The following TMEM41B variants were observed in gnomAD, a reference collection of about 807,000 sequenced individuals.
TMEM41B encodes protein stasimon.
Under a neutral mutation model 31.9 loss-of-function variants are expected in TMEM41B, and 18 were observed. The observed-to-expected ratio is 0.56, with a 90% confidence interval of 0.39 to 0.84. The LOEUF (loss-of-function observed/expected upper bound fraction) is 0.84, where lower values mean the gene tolerates loss of function less well. Ranked by LOEUF, TMEM41B falls within the 40% of genes least tolerant of loss-of-function variation. The probability of loss-of-function intolerance (pLI) is 0.00; values close to 1 mark genes in which losing one functional copy is unlikely to be tolerated. For synonymous variants in TMEM41B, 144 were observed against 124.3 expected, an observed-to-expected ratio of 1.16 and a Z score of -1.05; for missense variants, 322 against 348.0, an observed-to-expected ratio of 0.93 and a Z score of 0.59.
chr11:9,311,422 G>C, intron 1 of TMEM41B: 1 of 1,391,606 alleles, frequency 7.2e-7, no homozygotes. Flanking sequence ...GGACTCACAG[G>C]AGGCATTCCA....
intron 2 of TMEM41B, among the ~76,000 whole-genome samples, chr11:9,297,242 G>A (rs760558043): frequency 3.3e-5 from 5 of 152,206 alleles, no homozygotes; most frequent in African/African-American, 4.8e-5. Flanking sequence ...CCGCCACCAC[G>A]CCCAGCTAAT....
chr11:9,285,551 A>C (rs1259452805), intron 6 of TMEM41B, among the ~76,000 whole-genome samples: 2 of 152,190 alleles, frequency 1.3e-5, no homozygotes, highest in African/African-American at 2.4e-5. Context: ...AGAGCAAAAC[A>C]TTCCTACAAA....
intron 3 of TMEM41B, among the ~76,000 whole-genome samples, chr11:9,293,448 G>A (rs1036484093): frequency 4.8e-5 from 6 of 125,618 alleles, no homozygotes; most frequent in African/African-American, 1.6e-4. Context: ...ATGTATATGA[G>A]TGTACTCATA....
At chr11:9,296,219 T>A (rs1853082305) in intron 2 of TMEM41B, among the ~76,000 whole-genome samples, 1 of 152,134 alleles carries the variant, frequency 6.6e-6, no homozygotes, top group African/African-American at 2.4e-5. Flanking sequence ...CTTTTTAATG[T>A]CTCAGCAGAA....
chr11:9,297,283 C>T (rs969113540), intron 2 of TMEM41B, among the ~76,000 whole-genome samples: 10 of 152,164 alleles, frequency 6.6e-5, no homozygotes, highest in African/African-American at 2.2e-4. Flanking sequence ...TGGGGTTTCT[C>T]CACGTTAGCC....
chr11:9,311,471 G>A, intron 1 of TMEM41B: 3 of 1,425,284 alleles, frequency 2.1e-6, no homozygotes, highest in Non-Finnish European at 2.9e-6. Context: ...AGGGACCCGA[G>A]GATTGGCATC....
At position 9,282,395 on chromosome 11, in the gene TMEM41B, T is replaced by A. The variant is rs1852737468; in HGVS notation, c.*1029A>T. The A allele has an allele frequency of 6.6e-6, 1 of 150,954 alleles. No homozygotes were observed. Among genetic ancestry groups the A allele is most frequent in the Admixed American group, 6.6e-5 (1 of 15,094 alleles). The allele number at this position is 150,954 out of a possible 1,614,324, so 9.4% of individuals were successfully genotyped here. Reference sequence around the variant, plus strand: ...ACTCCGTCTCAAAAAAAAAAAAAATTATCAATACCAAATATGATACAGTTA... The same window carrying A: ...ACTCCGTCTCAAAAAAAAAAAAAATAATCAATACCAAATATGATACAGTTA... On this transcript the variant is annotated 3_prime_UTR_variant, in exon 7 of 7. Coordinates refer to ENST00000528080, the MANE Select transcript of TMEM41B (RefSeq NM_015012.4).
intron 4 of TMEM41B, 32 bp downstream of exon 4, chr11:9,288,410 T>C (rs2133612758): frequency 1.4e-6 from 2 of 1,441,324 alleles, no homozygotes; most frequent in East Asian, 4.6e-5. Flanking sequence ...TATTGTTTTT[T>C]CAGTCTCCCA....
chr11:9,299,282 C>CAA (rs1180036082), intron 2 of TMEM41B, among the ~76,000 whole-genome samples: 15,853 of 41,704 alleles, frequency 0.38, 4,359 homozygotes, highest in East Asian at 0.5. Flanking sequence ...GACTCTGTCT[C>CAA]AAAAAAAAAA....
At chr11:9,310,185 A>C (rs1371191939) in intron 1 of TMEM41B, among the ~76,000 whole-genome samples, 1 of 151,382 alleles carries the variant, frequency 6.6e-6, no homozygotes, top group African/African-American at 2.4e-5. Context: ...ACAGGTGTGC[A>C]CCACCATGCC....
rs796125555 is a variant in TMEM41B at position 9,307,258 on chromosome 11, GA to G, written c.121+7062del. ...ATACTTGATCCCACCACGAACGAAG[GA>G]AAAAAAATCCATTTATCCTAAGGAC... On this transcript the variant is annotated intron_variant, in intron 1 of 6. Transcript: ENST00000528080. Among the ~76,000 whole-genome samples, 15 of 151,348 alleles carry G rather than the reference GA, an allele frequency of 9.9e-5. 1 individual carries two copies. Among genetic ancestry groups the G allele is most frequent in the African/African-American group, 3.6e-4 (15 of 41,242 alleles).
rs78204140 is a variant in TMEM41B, at chr11:9,305,263, A to G, written c.122-5562T>C. 7.7e-4 allele frequency among the ~76,000 whole-genome samples: 117 copies of G among 152,288 alleles called. 1 individual carries two copies. In the East Asian group the frequency reaches 0.019, roughly 25 times the overall value. On this transcript the variant is annotated intron_variant, in intron 1 of 6. Coordinates refer to ENST00000528080, the MANE Select transcript of TMEM41B (RefSeq NM_015012.4). ...ACATCAAAGCAAAGACACATTATAC[A>G]TGCAAGTAGTGTATATTTTTTCAGG...
chr11:9,297,241 C>A (rs1417621979), intron 2 of TMEM41B, among the ~76,000 whole-genome samples: 2 of 152,180 alleles, frequency 1.3e-5, no homozygotes, highest in African/African-American at 4.8e-5. Context: ...CCCGCCACCA[C>A]GCCCAGCTAA....
At chr11:9,296,799 G>A (rs1295564417) in intron 2 of TMEM41B, among the ~76,000 whole-genome samples, 1 of 152,080 alleles carries the variant, frequency 6.6e-6, no homozygotes, top group East Asian at 1.9e-4. Context: ...ACAAAAAACT[G>A]CAAGTTTTCC....
At chr11:9,301,191 T>G (rs890322765) in intron 1 of TMEM41B, among the ~76,000 whole-genome samples, 1 of 151,678 alleles carries the variant, frequency 6.6e-6, no homozygotes, top group Non-Finnish European at 1.5e-5. Flanking sequence ...GTCAGGAGAT[T>G]GAGACCATCC....
intron 1 of TMEM41B, among the ~76,000 whole-genome samples, chr11:9,308,087 A>C (rs991942216): frequency 6.6e-6 from 1 of 152,030 alleles, no homozygotes. Flanking sequence ...TGGCTCACAC[A>C]TGTAATCCCA....
chr11:9,304,948 G>T (rs371418637), intron 1 of TMEM41B, among the ~76,000 whole-genome samples: 1 of 151,802 alleles, frequency 6.6e-6, no homozygotes, highest in Non-Finnish European at 1.5e-5. Flanking sequence ...GAGCCACCAC[G>T]CCCAGCAATT....
rs1345899113 is a variant in TMEM41B, at chr11:9,287,723, T to C, written c.546A>G (p.Lys182=). 1.2e-6 allele frequency: 2 copies of C among 1,610,636 alleles called. No homozygotes were observed. The highest frequency in any genetic ancestry group is 1.3e-5 in the African/African-American group (1 of 74,770). ...TTACCTGCTGTGACCATTTTACTGC[T>C]TTCTCTGTTAGGTATTTGTATACAA... ...RPVVYKYLTE[K]AVKWSQQVER... is the part of the protein sequence containing the mutation. Residue 182 remains lysine, a synonymous_variant, in exon 5 of 7, where the codon AAA becomes AAG. Coordinates refer to ENST00000528080, the MANE Select transcript of TMEM41B (RefSeq NM_015012.4).
intron 3 of TMEM41B, among the ~76,000 whole-genome samples, chr11:9,292,783 G>A (rs1852987907): frequency 6.6e-6 from 1 of 152,072 alleles, no homozygotes; most frequent in Non-Finnish European, 1.5e-5. Context: ...ATAGGTGTGA[G>A]CCACCACACC....
Sources: gnomAD v4.1 joint callset for allele counts (sites outside exome capture counted in the v4.1 genomes callset) on GRCh38, gnomAD v4.1.1 for gene constraint, MANE v1.5 for transcripts, NCBI Gene and HGNC (gene_info 2026-07-23, HGNC 2026-07-21) for gene names.